Variants in RPTOR observed in about 807,000 individuals in gnomAD.
RPTOR encodes the protein regulatory associated protein of MTOR complex 1, also known as regulatory-associated protein of mTOR.
Under a neutral mutation model 169.9 loss-of-function variants are expected in RPTOR, and 21 were observed. The ratio of observed to expected loss-of-function variants is 0.12; its 90% CI spans 0.09 to 0.18. RPTOR has a LOEUF of 0.18. RPTOR is among the 10% of genes least tolerant of loss of function. RPTOR has a pLI of 1.00. For missense variants in RPTOR, 1,133 were observed against 1,855.9 expected, an observed-to-expected ratio of 0.61 and a Z score of 7.16; for synonymous variants, 732 against 753.2, an observed-to-expected ratio of 0.97 and a Z score of 0.46.
At chr17:80,815,083 G>T (rs1259280842) in intron 7 of RPTOR, among the ~76,000 whole-genome samples, 1 of 152,238 alleles carries the variant, frequency 6.6e-6, no homozygotes, top group Non-Finnish European at 1.5e-5. Context: ...ACAGAAAATA[G>T]CACCAGGAAG....
intron 3 of RPTOR, among the ~76,000 whole-genome samples, chr17:80,671,031 G>C (rs1162745102): frequency 3.9e-5 from 6 of 152,178 alleles, no homozygotes; most frequent in Non-Finnish European, 8.8e-5. Flanking sequence ...CCTGGCCCTG[G>C]GAAGAGCGTG....
intron 3 of RPTOR, among the ~76,000 whole-genome samples, chr17:80,684,913 G>C (rs1001170491): frequency 3.3e-5 from 5 of 152,168 alleles, no homozygotes; most frequent in Admixed American, 6.5e-5. Flanking sequence ...CATTACGTGA[G>C]TCAACATCTT....
chr17:80,671,215 C>T (rs1251259986), intron 3 of RPTOR, among the ~76,000 whole-genome samples: 1 of 152,224 alleles, frequency 6.6e-6, no homozygotes, highest in Admixed American at 6.5e-5. Flanking sequence ...GCAGCCTGTG[C>T]TCTTCGTCCT....
intron 3 of RPTOR, among the ~76,000 whole-genome samples, chr17:80,650,276 A>G (rs1448399456): frequency 1.3e-5 from 2 of 152,192 alleles, no homozygotes; most frequent in African/African-American, 4.8e-5. Context: ...TAGAGAGCCC[A>G]TTTGGGATTG....
In RPTOR at chr17:80,743,497, G is replaced by A. The variant is rs569985328; in HGVS notation, c.655-10513G>A. 66 of 971,584 alleles carry A rather than the reference G, an allele frequency of 6.8e-5. No individual in the cohort carries two copies. In the South Asian group the frequency reaches 2.2e-3, roughly 33 times the overall value. The allele number at this position is 971,584 out of a possible 1,614,324, so 60.2% of individuals were successfully genotyped here. A position where few individuals can be genotyped will look rare whatever the true frequency, so the allele number is the denominator to read the frequency against. On this transcript the variant is annotated intron_variant, in intron 5 of 33. Coordinates refer to ENST00000306801, the MANE Select transcript of RPTOR (RefSeq NM_020761.3). ...CACTTGTGTGGGGAGCTCCAGCAGC[G>A]CGTTCGGAGTGCTGGGCATTGCCAG...
chr17:80,952,111 A>C (rs2069186642), intron 28 of RPTOR, among the ~76,000 whole-genome samples: 1 of 152,156 alleles, frequency 6.6e-6, no homozygotes, highest in Admixed American at 6.5e-5. Context: ...ATTATTTGTC[A>C]TCGATTGGAG....
intron 1 of RPTOR, among the ~76,000 whole-genome samples, chr17:80,565,359 G>A (rs767683891): frequency 4.6e-5 from 7 of 152,194 alleles, no homozygotes; most frequent in African/African-American, 7.2e-5. Flanking sequence ...GATTGCTGCG[G>A]AATAATTGTT....
At chr17:80,873,755 A>T (rs970839339) in intron 13 of RPTOR, among the ~76,000 whole-genome samples, 1 of 152,262 alleles carries the variant, frequency 6.6e-6, no homozygotes, top group Admixed American at 6.5e-5. Context: ...CTCAGTCACC[A>T]CTGTCACACT....
chr17:80,924,719 TC>T (rs1333494325), intron 23 of RPTOR, among the ~76,000 whole-genome samples: 3 of 152,004 alleles, frequency 2.0e-5, no homozygotes, highest in African/African-American at 4.8e-5. Context: ...CATGGGGAGC[TC>T]CCTGTGCCAA....
At chr17:80,586,901 C>A (rs1458845432) in intron 1 of RPTOR, among the ~76,000 whole-genome samples, 1 of 152,238 alleles carries the variant, frequency 6.6e-6, no homozygotes, top group Non-Finnish European at 1.5e-5. Context: ...TGGATTTTCA[C>A]GGGCTCGCTG....
chr17:80,855,644 A>AC, intron 12 of RPTOR, 97 bp downstream of exon 12: 1 of 969,142 alleles, frequency 1.0e-6, no homozygotes, highest in Non-Finnish European at 1.6e-6. Flanking sequence ...ATCCAGAGCC[A>AC]CCCCCAGCCG....
chr17:80,925,434 G>T lies in RPTOR; in HGVS notation c.2873G>T (p.Gly958Val). Reference sequence around the variant, plus strand: ...TTCATCTCCGCCACGGTGCAGACGGGGTTCTGCGACTGGAGCGCCCGCTAT... The same window carrying T: ...TTCATCTCCGCCACGGTGCAGACGGTGTTCTGCGACTGGAGCGCCCGCTAT... ...KSFISATVQT[G>V]FCDWSARYFA... The change falls in exon 24 of 34, where the codon GGG becomes GTG. Residue 958 changes from glycine (G) to valine (V), a missense_variant. By Grantham distance (109) the Gly-to-Val change is moderately radical. This residue lies in a region of RPTOR where 410 missense variants were observed against 623.7 expected (regional missense o/e 0.66). Transcript: ENST00000306801. 1.2e-6 allele frequency: 2 copies of T among 1,613,674 alleles called. No homozygotes were observed. Among genetic ancestry groups the T allele is most frequent in the Non-Finnish European group, 8.5e-7 (1 of 1,180,042 alleles).
chr17:80,910,115 C>T (rs2068594513), intron 21 of RPTOR, among the ~76,000 whole-genome samples: 1 of 152,204 alleles, frequency 6.6e-6, no homozygotes, highest in East Asian at 1.9e-4. Flanking sequence ...GCTTTCCCCT[C>T]TCCAGTGCTC....
At chr17:80,801,605 GT>G (rs2067158534) in intron 7 of RPTOR, 1 of 152,172 alleles carries the variant, frequency 6.6e-6, no homozygotes. Context: ...CATGGATTAT[GT>G]TTGAAAGGAA....
intron 7 of RPTOR, among the ~76,000 whole-genome samples, chr17:80,819,826 T>C (rs776995951): frequency 1.3e-5 from 2 of 152,186 alleles, no homozygotes; most frequent in Non-Finnish European, 2.9e-5. Flanking sequence ...ATCGGTCTTG[T>C]CTGTGTGACT....
At chr17:80,697,464 G>A (rs2066046579) in intron 3 of RPTOR, among the ~76,000 whole-genome samples, 1 of 152,214 alleles carries the variant, frequency 6.6e-6, no homozygotes, top group South Asian at 2.1e-4. Flanking sequence ...GCCCCTGTCT[G>A]CCTAGGCATT....
chr17:80,613,621 G>A (rs2065287074), intron 1 of RPTOR, among the ~76,000 whole-genome samples: 1 of 149,932 alleles, frequency 6.7e-6, no homozygotes, highest in African/African-American at 2.5e-5. Flanking sequence ...GGACACAGGT[G>A]CTCTCTATGG....
At chr17:80,885,917 A>G (rs966223380) in intron 17 of RPTOR, among the ~76,000 whole-genome samples, 11 of 152,236 alleles carry the variant, frequency 7.2e-5, no homozygotes, top group African/African-American at 2.4e-4. Context: ...CCAAGGTTTC[A>G]CACCCTCAGA....
At chr17:80,881,948 C>T (rs2068190617) in intron 14 of RPTOR, among the ~76,000 whole-genome samples, 1 of 152,212 alleles carries the variant, frequency 6.6e-6, no homozygotes, top group South Asian at 2.1e-4. Context: ...AGAAAACATT[C>T]AGTGCTTCCT....
Sources: gnomAD v4.1 joint callset for allele counts (sites outside exome capture counted in the v4.1 genomes callset) on GRCh38, gnomAD v4.1.1 for gene constraint, gnomAD v4.1.1 regional missense constraint, MANE v1.5 for transcripts, NCBI Gene and HGNC (gene_info 2026-07-23, HGNC 2026-07-21) for gene names.